CWC22: variants seen among roughly 807,000 people sequenced by gnomAD.
CWC22 encodes pre-mRNA-splicing factor CWC22 homolog.
A neutral mutation model predicts 117.2 loss-of-function variants in CWC22; 53 were observed. The ratio of observed to expected loss-of-function variants is 0.45; its 90% CI spans 0.36 to 0.57. The LOEUF (loss-of-function observed/expected upper bound fraction) is 0.57, where lower values mean the gene tolerates loss of function less well. Among genes scored for constraint, CWC22 ranks in the 20% least tolerant of loss-of-function variants. The probability of loss-of-function intolerance (pLI) is 0.00; values close to 1 mark genes in which losing one functional copy is unlikely to be tolerated. For synonymous variants in CWC22, 360 were observed against 355.6 expected, an observed-to-expected ratio of 1.01 and a Z score of -0.14; for missense variants, 980 against 1,068.8, an observed-to-expected ratio of 0.92 and a Z score of 1.16.
chr2:179,984,741 G>A (rs1387989617), intron 4 of CWC22, among the ~76,000 whole-genome samples: 1 of 152,018 alleles, frequency 6.6e-6, no homozygotes, highest in Non-Finnish European at 1.5e-5. Context: ...TCTATGAAGG[G>A]ATAATGAAAA....
At position 179,950,491 on chromosome 2, in the gene CWC22, AT is replaced by A. The variant is rs761183608; in HGVS notation, c.2140+20del. The A allele has an allele frequency of 1.2e-4, 181 of 1,496,618 alleles. No individual in the cohort carries two copies. The highest frequency in any genetic ancestry group is 1.6e-4 in the Non-Finnish European group (179 of 1,087,076). The allele number at this position is 1,496,618 out of a possible 1,614,324, so 92.7% of individuals were successfully genotyped here. A position where few individuals can be genotyped will look rare whatever the true frequency, so the allele number is the denominator to read the frequency against. ...TATTTATTAGAAAAGAGCAAGCCAA[AT>A]TACACATAAGCTTCAATACCTGAGG... On this transcript the variant is annotated intron_variant, in intron 19 of 19. Coordinates refer to ENST00000410053, the MANE Select transcript of CWC22 (RefSeq NM_020943.3).
At chr2:179,950,371 T>G in intron 19 of CWC22, 141 bp downstream of exon 19, 1 of 600,422 alleles carries the variant, frequency 1.7e-6, no homozygotes, top group Non-Finnish European at 2.9e-6. Flanking sequence ...GAATGATAGA[T>G]GGGACCATTT....
rs555165312 is a variant in CWC22 at position 179,950,917 on chromosome 2, C to T, written c.1827G>A (p.Gln609=). ...GGGGTAATAATCCTTCAAAGAATGG[C>T]TGCAGAGTTCTAAAAAGGAAAAAAA... The part of the protein sequence containing the change: ...LNARLKDETL[Q]PFFEGLLPRD... The change falls in exon 18 of 20, where the codon CAG becomes CAA. Residue 609 remains glutamine, a synonymous_variant. Coordinates refer to ENST00000410053, the MANE Select transcript of CWC22 (RefSeq NM_020943.3). 1.2e-5 allele frequency: 18 copies of T among 1,560,896 alleles called. No individual in the cohort carries two copies. In the African/African-American group the frequency reaches 1.5e-4, roughly 13 times the overall value.
chr2:179,998,709 C>G (rs1268010364), intron 1 of CWC22, among the ~76,000 whole-genome samples: 1 of 152,106 alleles, frequency 6.6e-6, no homozygotes, highest in Non-Finnish European at 1.5e-5. Flanking sequence ...AGCACTACTT[C>G]TTTTCAAACA....
chr2:179,969,207 C>T (rs113756874), intron 11 of CWC22, among the ~76,000 whole-genome samples: 317 of 152,062 alleles, frequency 2.1e-3, no homozygotes, highest in African/African-American at 7.0e-3. Flanking sequence ...AAGAATTTCA[C>T]AAAAAACATT....
chr2:179,978,147 A>G (rs1428718871), intron 6 of CWC22, 43 bp downstream of exon 6: 2 of 1,440,762 alleles, frequency 1.4e-6, no homozygotes, highest in Non-Finnish European at 1.8e-6. Flanking sequence ...ATTCCTTTGA[A>G]AAAATACTTA....
chr2:179,947,031 C>A (rs753663470), intron 19 of CWC22, among the ~76,000 whole-genome samples: 2 of 152,152 alleles, frequency 1.3e-5, no homozygotes, highest in Non-Finnish European at 2.9e-5. Context: ...AGCAATAAAA[C>A]AAACTTAATC....
chr2:179,975,100 G>A (rs1687124742), intron 6 of CWC22, among the ~76,000 whole-genome samples: 1 of 152,102 alleles, frequency 6.6e-6, no homozygotes, highest in African/African-American at 2.4e-5. Flanking sequence ...AATGACATGA[G>A]AAAACAGCCC....
At chr2:179,955,965 T>G (rs1686581101) in intron 14 of CWC22, among the ~76,000 whole-genome samples, 1 of 151,968 alleles carries the variant, frequency 6.6e-6, no homozygotes, top group Non-Finnish European at 1.5e-5. Context: ...TACCAGAAAC[T>G]TAAAACAATT....
intron 13 of CWC22, among the ~76,000 whole-genome samples, chr2:179,962,029 G>GT (rs529244236): frequency 1.4e-4 from 22 of 152,144 alleles, no homozygotes; most frequent in Admixed American, 3.9e-4. Flanking sequence ...CTCTAAACAG[G>GT]TGGGGACATG....
chr2:179,983,282 T>C (rs758059238), intron 4 of CWC22, among the ~76,000 whole-genome samples: 2 of 151,918 alleles, frequency 1.3e-5, no homozygotes, highest in African/African-American at 2.4e-5. Context: ...TCACCCTCCA[T>C]AAGGCCCCAG....
At chr2:179,995,474 T>C (rs887468727) in intron 1 of CWC22, among the ~76,000 whole-genome samples, 1 of 152,194 alleles carries the variant, frequency 6.6e-6, no homozygotes, top group African/African-American at 2.4e-5. Context: ...GGTTCGAGAC[T>C]AGAGAGAATT....
intron 1 of CWC22, among the ~76,000 whole-genome samples, chr2:180,001,829 G>A (rs1200972313): frequency 6.6e-6 from 1 of 152,108 alleles, no homozygotes; most frequent in Non-Finnish European, 1.5e-5. Context: ...CAACTTACAG[G>A]GACACCACCT....
At chr2:179,958,366 T>C (rs977797574) in intron 14 of CWC22, among the ~76,000 whole-genome samples, 31 of 148,902 alleles carry the variant, frequency 2.1e-4, no homozygotes, top group African/African-American at 7.6e-4. Context: ...AAGAAAATTA[T>C]ATAAATTTTT....
intron 1 of CWC22, among the ~76,000 whole-genome samples, chr2:179,995,415 CTA>C (rs1179644034): frequency 5.9e-5 from 9 of 152,122 alleles, no homozygotes; most frequent in African/African-American, 2.2e-4. Context: ...CTTAATAAGC[CTA>C]TGTTATCAAA....
chr2:179,970,615 T>C (rs1176638657), intron 10 of CWC22, 35 bp downstream of exon 10: 1 of 1,594,142 alleles, frequency 6.3e-7, no homozygotes, highest in Non-Finnish European at 8.6e-7. Flanking sequence ...CATTTGTTGG[T>C]AAGCCTCTTT....
intron 1 of CWC22, among the ~76,000 whole-genome samples, chr2:179,997,088 GTTTTA>G (rs1183833118): frequency 6.6e-6 from 1 of 152,040 alleles, no homozygotes; most frequent in African/African-American, 2.4e-5. Flanking sequence ...ACAAGATACT[GTTTTA>G]TTTTAATTTA....
chr2:179,958,112 C>A (rs1686645105), intron 14 of CWC22, among the ~76,000 whole-genome samples: 1 of 151,900 alleles, frequency 6.6e-6, no homozygotes, highest in African/African-American at 2.4e-5. Flanking sequence ...AGGCAGATCA[C>A]CTGAGGTCAG....
At position 179,978,327 on chromosome 2, in the gene CWC22, A is replaced by C. The variant is rs1385082163; in HGVS notation, c.453-9T>G. The C allele has an allele frequency of 4.9e-5, 72 of 1,457,834 alleles. No individual in the cohort carries two copies. Among genetic ancestry groups the C allele is most frequent in the Non-Finnish European group, 6.5e-5 (72 of 1,108,086 alleles). The allele number at this position is 1,457,834 out of a possible 1,614,324, so 90.3% of individuals were successfully genotyped here. On this transcript the variant is annotated splice_polypyrimidine_tract_variant and intron_variant, in intron 5 of 19. Coordinates refer to ENST00000410053, the MANE Select transcript of CWC22 (RefSeq NM_020943.3). ...TCCTCTGGTATGCTAAGCTAAAAAG[A>C]AGTGATTTTAATAAAGATTAAAACT...
Sources: allele counts gnomAD v4.1 joint callset (sites outside exome capture counted in the v4.1 genomes callset), GRCh38; gene constraint gnomAD v4.1.1; transcripts MANE v1.5; gene names NCBI Gene and HGNC (gene_info 2026-07-23, HGNC 2026-07-21).